WWOX: variants seen among roughly 807,000 people sequenced by gnomAD.
WWOX encodes the protein WW domain-containing oxidoreductase.
A neutral mutation model predicts 46.2 loss-of-function variants in WWOX; 69 were observed. The observed-to-expected ratio is 1.49, with a 90% CI of 1.23 to 1.82. WWOX has a LOEUF of 1.82. WWOX is among the 40% of genes most tolerant of loss of function. The pLI, the probability that WWOX is intolerant of heterozygous loss-of-function variation, is 0.00. For missense variants in WWOX, 919 were observed against 542.6 expected, an observed-to-expected ratio of 1.69 and a Z score of -6.89; for synonymous variants, 359 against 202.6, an observed-to-expected ratio of 1.77 and a Z score of -6.56.
intron 8 of WWOX, among the ~76,000 whole-genome samples, chr16:78,802,016 G>C (rs1416763192): frequency 6.6e-6 from 1 of 152,130 alleles, no homozygotes; most frequent in Non-Finnish European, 1.5e-5. Context: ...GCCTATCCCA[G>C]AGGCTGGTGT....
At chr16:78,383,650 C>T (rs2151931488) in intron 5 of WWOX, among the ~76,000 whole-genome samples, 1 of 152,264 alleles carries the variant, frequency 6.6e-6, no homozygotes, top group Admixed American at 6.5e-5. Flanking sequence ...GAATTGCAAA[C>T]CCCCAACACA....
chr16:78,622,322 C>T (rs2046209450), intron 8 of WWOX, among the ~76,000 whole-genome samples: 2 of 152,148 alleles, frequency 1.3e-5, no homozygotes, highest in Admixed American at 1.3e-4. Flanking sequence ...GCAGGCAGAT[C>T]ACCTGAGGTC....
intron 8 of WWOX, among the ~76,000 whole-genome samples, chr16:78,546,049 C>T (rs572348013): frequency 1.3e-5 from 2 of 152,118 alleles, no homozygotes; most frequent in Non-Finnish European, 1.5e-5. Flanking sequence ...CTATGCTGGG[C>T]ACAAGGAATG....
At chr16:78,147,606 A>AAT (rs2034242777) in intron 4 of WWOX, among the ~76,000 whole-genome samples, 1 of 151,706 alleles carries the variant, frequency 6.6e-6, no homozygotes, top group Non-Finnish European at 1.5e-5. Flanking sequence ...GAGGCAAAGT[A>AAT]ATATACCACT....
At chr16:78,169,132 C>G (rs1308216772) in intron 5 of WWOX, among the ~76,000 whole-genome samples, 1 of 152,144 alleles carries the variant, frequency 6.6e-6, no homozygotes, top group Admixed American at 6.5e-5. Context: ...TGTGATCTAC[C>G]TCATTCACAT....
chr16:78,960,876 T>C (rs149750648), intron 8 of WWOX, among the ~76,000 whole-genome samples: 202 of 152,332 alleles, frequency 1.3e-3, no homozygotes, highest in African/African-American at 4.7e-3. Flanking sequence ...ACATAGCTCT[T>C]TTGAAGACTT....
chr16:78,594,279 G>A (rs1049067847), intron 8 of WWOX, among the ~76,000 whole-genome samples: 1 of 151,992 alleles, frequency 6.6e-6, no homozygotes, highest in East Asian at 1.9e-4. Context: ...TTGCAAAGTC[G>A]ATTCCTGACA....
intron 8 of WWOX, among the ~76,000 whole-genome samples, chr16:78,938,998 A>C (rs922260317): frequency 6.6e-6 from 1 of 152,206 alleles, no homozygotes; most frequent in Non-Finnish European, 1.5e-5. Context: ...TTGAAATCTG[A>C]TGTGGATGGA....
chr16:78,181,461 T>C (rs1414495259), intron 5 of WWOX, among the ~76,000 whole-genome samples: 1 of 152,158 alleles, frequency 6.6e-6, no homozygotes, highest in African/African-American at 2.4e-5. Flanking sequence ...AAAATATCAA[T>C]ACTTTGCAAA....
intron 4 of WWOX, among the ~76,000 whole-genome samples, chr16:78,133,343 G>GT (rs1486467956): frequency 6.6e-6 from 1 of 152,118 alleles, no homozygotes; most frequent in Non-Finnish European, 1.5e-5. Context: ...TCAGTGCAAG[G>GT]TCCACCTCCT....
chr16:78,384,747 G>T (rs2082024566), intron 5 of WWOX, among the ~76,000 whole-genome samples: 1 of 152,168 alleles, frequency 6.6e-6, no homozygotes, highest in Non-Finnish European at 1.5e-5. Context: ...CCAAGACCAG[G>T]AATTTAAATC....
intron 5 of WWOX, among the ~76,000 whole-genome samples, chr16:78,174,441 T>G (rs1295556339): frequency 6.6e-6 from 1 of 152,162 alleles, no homozygotes; most frequent in African/African-American, 2.4e-5. Context: ...ATAATTCAAG[T>G]TGAGATTTCG....
At chr16:78,645,629 G>T (rs1295957872) in intron 8 of WWOX, among the ~76,000 whole-genome samples, 1 of 152,046 alleles carries the variant, frequency 6.6e-6, no homozygotes, top group Non-Finnish European at 1.5e-5. Flanking sequence ...GAGGGGAGGT[G>T]CCAGAGACTT....
At chr16:78,179,323 G>A (rs1405870166) in intron 5 of WWOX, among the ~76,000 whole-genome samples, 1 of 152,158 alleles carries the variant, frequency 6.6e-6, no homozygotes, top group Admixed American at 6.5e-5. Flanking sequence ...AAGAGTTATG[G>A]ATTAACAGAT....
chr16:78,384,647 C>T (rs182874637), intron 5 of WWOX, among the ~76,000 whole-genome samples: 41 of 152,284 alleles, frequency 2.7e-4, no homozygotes, highest in African/African-American at 6.5e-4. Context: ...TAACAACCCA[C>T]GTGTGGGCGT....
At chr16:78,801,788 A>G (rs942751816) in intron 8 of WWOX, among the ~76,000 whole-genome samples, 1 of 152,292 alleles carries the variant, frequency 6.6e-6, no homozygotes, top group South Asian at 2.1e-4. Flanking sequence ...ACAAAGGGAC[A>G]TTTCATTTTT....
chr16:78,292,140 C>T (rs1307088820), intron 5 of WWOX, among the ~76,000 whole-genome samples: 2 of 148,880 alleles, frequency 1.3e-5, no homozygotes, highest in Non-Finnish European at 3.0e-5. Context: ...AATCTCAGCT[C>T]ATTAACCTCA....
chr16:78,595,797 G>A (rs1212226716), intron 8 of WWOX, among the ~76,000 whole-genome samples: 1 of 152,204 alleles, frequency 6.6e-6, no homozygotes, highest in African/African-American at 2.4e-5. Flanking sequence ...GTGATGAGAA[G>A]ATTCAAAACC....
chr16:79,211,936 G>C lies in WWOX; in HGVS notation c.*140G>C. 6.5e-7 allele frequency: 1 copy of C among 1,538,146 alleles called. No individual in the cohort carries two copies. The highest frequency in any genetic ancestry group is 2.4e-5 in the East Asian group (1 of 40,932). Reference sequence around the variant, plus strand: ...GAAATAAGAGCAGTCACAACAGAGTGAAAAATCTTAAGTACCAATGGGAAG... The same window carrying C: ...GAAATAAGAGCAGTCACAACAGAGTCAAAAATCTTAAGTACCAATGGGAAG... On this transcript the variant is annotated 3_prime_UTR_variant, in exon 9 of 9. Transcript: ENST00000566780.
Sources: gnomAD v4.1 joint callset for allele counts (sites outside exome capture counted in the v4.1 genomes callset) on GRCh38, gnomAD v4.1.1 for gene constraint, MANE v1.5 for transcripts, NCBI Gene and HGNC (gene_info 2026-07-23, HGNC 2026-07-21) for gene names.